The following TANC1 variants were observed in gnomAD, a reference collection of about 807,000 sequenced individuals.
TANC1 encodes the protein tetratricopeptide repeat, ankyrin repeat and coiled-coil containing 1.
A neutral mutation model predicts 149.7 loss-of-function variants in TANC1; 77 were observed. The observed-to-expected ratio is 0.51, with a 90% confidence interval of 0.43 to 0.62. The LOEUF is 0.62. Ranked by LOEUF, TANC1 falls within the 20% of genes least tolerant of loss-of-function variation. The pLI is 0.00. For missense variants in TANC1, 1,985 were observed against 2,321.8 expected, an observed-to-expected ratio of 0.85 and a Z score of 2.98; for synonymous variants, 854 against 925.0, an observed-to-expected ratio of 0.92 and a Z score of 1.39.
rs1559440306 is a variant in TANC1 at position 159,196,775 on chromosome 2, C to T, written c.3147C>T (p.Ala1049=). ...TGCAGCAGGCGCTGACCGCGGCGGCCAGCATGGGCCACAGCTCGGTGAGTG... is the reference window on the plus strand; with the variant it reads ...TGCAGCAGGCGCTGACCGCGGCGGCTAGCATGGGCCACAGCTCGGTGAGTG... ...HALQQALTAA[A]SMGHSSVVQC... Residue 1049 remains alanine (A), a synonymous_variant, in exon 18 of 27, where the codon GCC becomes GCT. Coordinates refer to ENST00000263635, the MANE Select transcript of TANC1 (RefSeq NM_033394.3). 1 of 1,611,960 alleles carries T rather than the reference C, an allele frequency of 6.2e-7. No individual in the cohort carries two copies. The highest frequency in any genetic ancestry group is 2.2e-5 in the East Asian group (1 of 44,846).
intron 1 of TANC1, among the ~76,000 whole-genome samples, chr2:158,986,633 C>T (rs2035033584): frequency 6.6e-6 from 1 of 152,152 alleles, no homozygotes; most frequent in Non-Finnish European, 1.5e-5. Flanking sequence ...GACAGGTTCT[C>T]ACATTTGAGA....
intron 1 of TANC1, among the ~76,000 whole-genome samples, chr2:158,989,241 G>T (rs191258908): frequency 6.6e-6 from 1 of 152,072 alleles, no homozygotes; most frequent in African/African-American, 2.4e-5. Flanking sequence ...GGGCAAGGTC[G>T]CTCATGCCTA....
At chr2:159,183,292 G>A (rs76040109) in intron 14 of TANC1, among the ~76,000 whole-genome samples, 4,697 of 152,338 alleles carry the variant, frequency 0.031, 98 homozygotes, top group African/African-American at 0.056. Context: ...TTAGTTTTCA[G>A]CAGTTGAGAT....
At chr2:159,062,991 A>AAAAAAAAAAAAAAAAAAAAAG (rs1553534848) in intron 2 of TANC1, among the ~76,000 whole-genome samples, 1 of 147,094 alleles carries the variant, frequency 6.8e-6, no homozygotes, top group Non-Finnish European at 1.5e-5. Flanking sequence ...AAAAAAAAAA[A>AAAAAAAAAAAAAAAAAAAAAG]AAAAGAAAGC....
At chr2:159,203,210 T>TC (rs1491196033) in intron 19 of TANC1, among the ~76,000 whole-genome samples, 1 of 42,536 alleles carries the variant, frequency 2.4e-5, no homozygotes, top group African/African-American at 4.3e-5. Context: ...TTTTCTTTTC[T>TC]TTTTTTTTTT....
chr2:159,017,446 A>G (rs1003747407), intron 2 of TANC1, among the ~76,000 whole-genome samples: 2 of 152,216 alleles, frequency 1.3e-5, no homozygotes, highest in African/African-American at 4.8e-5. Context: ...CCTTAGAGCT[A>G]GGTGTCTTCT....
intron 2 of TANC1, among the ~76,000 whole-genome samples, chr2:159,062,960 C>A (rs370459458): frequency 2.1e-5 from 1 of 47,898 alleles, no homozygotes; most frequent in Non-Finnish European, 5.2e-5. Context: ...GGCGACAGAG[C>A]GAGACTCCGT....
At chr2:159,102,315 T>A (rs183000462) in intron 4 of TANC1, among the ~76,000 whole-genome samples, 66 of 152,172 alleles carry the variant, frequency 4.3e-4, no homozygotes, top group Non-Finnish European at 8.4e-4. Flanking sequence ...GGTCTTGCTG[T>A]GTCACCCAGG....
In TANC1 at chr2:159,176,629, A is replaced by G; in HGVS notation, c.1902+111A>G. 3.4e-6 allele frequency: 3 copies of G among 884,562 alleles called. 1 individual carries two copies. Among genetic ancestry groups the G allele is most frequent in the South Asian group, 3.3e-5 (2 of 59,720 alleles). 54.8% of individuals were successfully genotyped at this position (884,562 alleles called of 1,614,324 possible). A position where few individuals can be genotyped will look rare whatever the true frequency, so the allele number is the denominator to read the frequency against. The stretch of plus-strand genomic sequence containing the variant: ...CATTCAGCTGCTTGAATTGGAAACT[A>G]TGTTAAGAATTTGAAAAACTAGTCC... On this transcript the variant is annotated intron_variant, in intron 13 of 26. Coordinates refer to ENST00000263635, the MANE Select transcript of TANC1 (RefSeq NM_033394.3).
chr2:159,180,446 T>C (rs1392821082), intron 14 of TANC1, among the ~76,000 whole-genome samples: 1 of 152,246 alleles, frequency 6.6e-6, no homozygotes, highest in Non-Finnish European at 1.5e-5. Flanking sequence ...TGGACTGTAG[T>C]CTTCATTAAG....
chr2:158,989,478 C>T (rs1276607262), intron 1 of TANC1, among the ~76,000 whole-genome samples: 1 of 151,932 alleles, frequency 6.6e-6, no homozygotes, highest in Non-Finnish European at 1.5e-5. Flanking sequence ...AACGTGGTGG[C>T]TCATGCCTAT....
At position 159,042,924 on chromosome 2, in the gene TANC1, T is replaced by G. The variant is rs565038389; in HGVS notation, c.-15-22972T>G. On this transcript the variant is annotated intron_variant, in intron 2 of 26. Transcript: ENST00000263635. Reference sequence around the variant, plus strand: ...GTTCTTGGCATGTTATCTTAAACCTTTAAAACATTTCGTTGTGGACTGGGC... The same window carrying G: ...GTTCTTGGCATGTTATCTTAAACCTGTAAAACATTTCGTTGTGGACTGGGC... Among the ~76,000 whole-genome samples, 4 of 152,252 alleles carry G rather than the reference T, an allele frequency of 2.6e-5. No individual in the cohort carries two copies. In the South Asian group the frequency reaches 8.3e-4, roughly 32 times the overall value.
chr2:158,986,758 G>T (rs1217103910), intron 1 of TANC1, among the ~76,000 whole-genome samples: 2 of 152,170 alleles, frequency 1.3e-5, no homozygotes, highest in Non-Finnish European at 1.5e-5. Context: ...CAACATCTGA[G>T]AAAATTGCTT....
At chr2:159,072,107 A>C (rs1322583494) in intron 3 of TANC1, among the ~76,000 whole-genome samples, 1 of 152,096 alleles carries the variant, frequency 6.6e-6, no homozygotes, top group African/African-American at 2.4e-5. Context: ...CAAGCCTCCC[A>C]AGTACCTGGG....
intron 3 of TANC1, among the ~76,000 whole-genome samples, chr2:159,072,029 G>A (rs1302068072): frequency 6.6e-6 from 1 of 152,156 alleles, no homozygotes; most frequent in African/African-American, 2.4e-5. Context: ...TGCCTGGGCT[G>A]GAGTGCAGTG....
chr2:159,118,078 G>A (rs1216692591), intron 4 of TANC1, among the ~76,000 whole-genome samples: 1 of 152,186 alleles, frequency 6.6e-6, no homozygotes, highest in Non-Finnish European at 1.5e-5. Flanking sequence ...AACCACAGAA[G>A]TGAAGTGCCT....
chr2:159,186,832 C>A (rs773223587), intron 15 of TANC1, 70 bp from the exon 16 acceptor site: 8 of 1,597,710 alleles, frequency 5.0e-6, no homozygotes, highest in Non-Finnish European at 6.0e-6. Context: ...AGTGACCCTG[C>A]AGGTGGGAAG....
intron 1 of TANC1, among the ~76,000 whole-genome samples, chr2:158,981,215 GA>G (rs985414407): frequency 1.3e-5 from 2 of 151,828 alleles, no homozygotes; most frequent in African/African-American, 4.8e-5. Flanking sequence ...GGCACTTTGG[GA>G]GGTGGAGGCA....
intron 19 of TANC1, among the ~76,000 whole-genome samples, chr2:159,205,815 C>G (rs568659861): frequency 6.6e-6 from 1 of 152,306 alleles, no homozygotes; most frequent in South Asian, 2.1e-4. Flanking sequence ...GACAGAATTT[C>G]AGGTGAGAGA....
Sources: allele counts gnomAD v4.1 joint callset (sites outside exome capture counted in the v4.1 genomes callset), GRCh38; gene constraint gnomAD v4.1.1; transcripts MANE v1.5; gene names NCBI Gene and HGNC (gene_info 2026-07-23, HGNC 2026-07-21).